Variants in SLC8A3 observed in about 807,000 individuals in gnomAD.
SLC8A3 encodes solute carrier family 8 member A3.
Under a neutral mutation model 65.4 loss-of-function variants are expected in SLC8A3, and 37 were observed. The ratio of observed to expected loss-of-function variants is 0.57; its 90% CI spans 0.44 to 0.74. The LOEUF is 0.74. Ranked by LOEUF, SLC8A3 falls within the 30% of genes least tolerant of loss-of-function variation. SLC8A3 has a pLI of 0.00. For synonymous variants in SLC8A3, 461 were observed against 444.5 expected, an observed-to-expected ratio of 1.04 and a Z score of -0.47; for missense variants, 1,112 against 1,172.1, an observed-to-expected ratio of 0.95 and a Z score of 0.75.
chr14:70,160,877 C>CAA (rs3053363), intron 2 of SLC8A3, among the ~76,000 whole-genome samples: 38,297 of 133,342 alleles, frequency 0.29, 5,711 homozygotes, highest in South Asian at 0.49. Context: ...AGAAAAGAGA[C>CAA]AAAAAAAAAA....
At chr14:70,144,658 T>C (rs1895812369) in intron 2 of SLC8A3, among the ~76,000 whole-genome samples, 1 of 151,230 alleles carries the variant, frequency 6.6e-6, no homozygotes, top group South Asian at 2.1e-4. Flanking sequence ...AGCAATTAAA[T>C]CTTCAAGATT....
intron 2 of SLC8A3, among the ~76,000 whole-genome samples, chr14:70,114,897 C>T (rs975242609): frequency 1.3e-5 from 2 of 152,026 alleles, no homozygotes; most frequent in Non-Finnish European, 2.9e-5. Flanking sequence ...GGTGGTGTTT[C>T]CTTGTCTCTT....
chr14:70,178,728 A>G (rs1220232231), intron 1 of SLC8A3, among the ~76,000 whole-genome samples: 3 of 152,218 alleles, frequency 2.0e-5, no homozygotes, highest in African/African-American at 7.2e-5. Flanking sequence ...TTCTGCCTGG[A>G]TGCATTCTCA....
chr14:70,125,863 A>G (rs1196445912), intron 2 of SLC8A3, among the ~76,000 whole-genome samples: 1 of 152,184 alleles, frequency 6.6e-6, no homozygotes, highest in Non-Finnish European at 1.5e-5. Flanking sequence ...AGTTTTTTAA[A>G]GCTCCCAAGG....
intron 1 of SLC8A3, among the ~76,000 whole-genome samples, chr14:70,175,378 C>A (rs1242986882): frequency 6.6e-6 from 1 of 152,134 alleles, no homozygotes; most frequent in Non-Finnish European, 1.5e-5. Context: ...CCAAGGTCTA[C>A]CAGCTGAGCA....
At chr14:70,128,618 G>C (rs1303912912) in intron 2 of SLC8A3, among the ~76,000 whole-genome samples, 3 of 152,232 alleles carry the variant, frequency 2.0e-5, no homozygotes, top group African/African-American at 7.2e-5. Context: ...TAATTTGATG[G>C]CATTTAAGAC....
intron 1 of SLC8A3, among the ~76,000 whole-genome samples, chr14:70,169,980 C>A (rs2140386979): frequency 6.6e-6 from 1 of 152,252 alleles, no homozygotes; most frequent in East Asian, 1.9e-4. Flanking sequence ...TCATCCCAGC[C>A]CAGGCCACCA....
At chr14:70,060,767 G>T (rs758141658) in intron 3 of SLC8A3, 69 bp downstream of exon 3, 8 of 894,446 alleles carry the variant, frequency 8.9e-6, no homozygotes, top group Non-Finnish European at 1.5e-5. Flanking sequence ...CTTTTTTGTT[G>T]TTGTTTTTCA....
chr14:70,118,959 G>A (rs762563358), intron 2 of SLC8A3, among the ~76,000 whole-genome samples: 2 of 152,256 alleles, frequency 1.3e-5, no homozygotes, highest in East Asian at 1.9e-4. Context: ...AGCTCATACT[G>A]CTCATCTGAA....
intron 2 of SLC8A3, among the ~76,000 whole-genome samples, chr14:70,142,293 C>T (rs1056919819): frequency 4.6e-5 from 7 of 152,336 alleles, no homozygotes; most frequent in South Asian, 4.1e-4. Flanking sequence ...AATTTCAAAC[C>T]TTCAGAATCT....
chr14:70,109,013 A>G (rs1426330856), intron 2 of SLC8A3, among the ~76,000 whole-genome samples: 1 of 152,156 alleles, frequency 6.6e-6, no homozygotes, highest in Non-Finnish European at 1.5e-5. Flanking sequence ...TCTAAAGTTT[A>G]TCCATTGATG....
At chr14:70,163,520 A>G (rs143750445) in intron 2 of SLC8A3, among the ~76,000 whole-genome samples, 4 of 152,284 alleles carry the variant, frequency 2.6e-5, no homozygotes, top group Non-Finnish European at 5.9e-5. Flanking sequence ...AAGCTATACA[A>G]AGAGGGAGAG....
At chr14:70,123,316 C>G (rs1894211272) in intron 2 of SLC8A3, among the ~76,000 whole-genome samples, 1 of 151,918 alleles carries the variant, frequency 6.6e-6, no homozygotes, top group South Asian at 2.1e-4. Context: ...TCTTATCACT[C>G]TCTCCTTTTC....
chr14:70,122,479 T>G (rs987067997), intron 2 of SLC8A3, among the ~76,000 whole-genome samples: 1 of 152,106 alleles, frequency 6.6e-6, no homozygotes, highest in African/African-American at 2.4e-5. Context: ...GCTCTGCCAC[T>G]TCCTGGCTCT....
chr14:70,152,858 G>A (rs1896358676), intron 2 of SLC8A3, among the ~76,000 whole-genome samples: 1 of 152,196 alleles, frequency 6.6e-6, no homozygotes, highest in African/African-American at 2.4e-5. Context: ...GTGGCAGGGG[G>A]CTGTCATTAC....
At chr14:70,153,571 C>T (rs918442646) in intron 2 of SLC8A3, among the ~76,000 whole-genome samples, 2 of 152,136 alleles carry the variant, frequency 1.3e-5, no homozygotes, top group Admixed American at 1.3e-4. Context: ...TAGCAGCTAG[C>T]ACATATGCTT....
At chr14:70,104,711 C>A (rs1892742266) in intron 2 of SLC8A3, among the ~76,000 whole-genome samples, 1 of 151,628 alleles carries the variant, frequency 6.6e-6, no homozygotes, top group South Asian at 2.1e-4. Context: ...AGCCTATGGG[C>A]CAAAGAAGAA....
intron 2 of SLC8A3, among the ~76,000 whole-genome samples, chr14:70,068,124 T>A (rs574724505): frequency 6.6e-6 from 1 of 152,304 alleles, no homozygotes; most frequent in South Asian, 2.1e-4. Context: ...GCTGGCCTTT[T>A]GAAATAGTCC....
chr14:70,063,773 G>T, intron 2 of SLC8A3: 1 of 1,009,954 alleles, frequency 9.9e-7, no homozygotes, highest in Non-Finnish European at 1.5e-6. Context: ...GGAAGAAACA[G>T]AAGAGGAGAG....
Sources: gnomAD v4.1 joint callset for allele counts (sites outside exome capture counted in the v4.1 genomes callset) on GRCh38, gnomAD v4.1.1 for gene constraint, MANE v1.5 for transcripts, NCBI Gene and HGNC (gene_info 2026-07-23, HGNC 2026-07-21) for gene names.